The following SCML4 variants were observed in gnomAD, a reference collection of about 807,000 sequenced individuals.
SCML4 encodes Scm polycomb group protein like 4, also known as sex comb on midleg-like protein 4.
SCML4 carries 34 observed loss-of-function variants against 41.1 expected under a neutral mutation model. That is an observed-to-expected ratio of 0.83 (90% CI 0.63 to 1.10). The LOEUF is 1.10. Among genes scored for constraint, SCML4 ranks in the 50% least tolerant of loss-of-function variants. The probability of loss-of-function intolerance (pLI) is 0.00; values close to 1 mark genes in which losing one functional copy is unlikely to be tolerated. For synonymous variants in SCML4, 214 were observed against 220.9 expected, an observed-to-expected ratio of 0.97 and a Z score of 0.28; for missense variants, 522 against 534.1, an observed-to-expected ratio of 0.98 and a Z score of 0.22.
chr6:107,806,261 T>C (rs1783724163), intron 1 of SCML4, among the ~76,000 whole-genome samples: 1 of 151,360 alleles, frequency 6.6e-6, no homozygotes, highest in Non-Finnish European at 1.5e-5. Context: ...CAGCACATGC[T>C]CATCTGCTCC....
rs772795692 is a variant in SCML4, at chr6:107,746,646, G to C, written c.487+43C>G. On this transcript the variant is annotated intron_variant, in intron 4 of 7. Coordinates refer to ENST00000369020, the MANE Select transcript of SCML4 (RefSeq NM_198081.5). ...TGAGTATGGCTGCTTCCTCTGCAGA[G>C]AGACATCCATGGCCTCCTCATGCAA... 2.6e-6 allele frequency: 4 copies of C among 1,556,532 alleles called. No individual in the cohort carries two copies. In the South Asian group the frequency reaches 4.5e-5, roughly 18 times the overall value.
intron 1 of SCML4, among the ~76,000 whole-genome samples, chr6:107,786,926 T>G (rs1781940897): frequency 6.6e-6 from 1 of 152,172 alleles, no homozygotes; most frequent in South Asian, 2.1e-4. Context: ...TTCACAATGG[T>G]TTTGAGATAA....
intron 2 of SCML4, among the ~76,000 whole-genome samples, chr6:107,756,795 A>G (rs568349021): frequency 6.6e-6 from 1 of 152,324 alleles, no homozygotes; most frequent in South Asian, 2.1e-4. Flanking sequence ...AATATTAAAA[A>G]CAGGATGTGG....
chr6:107,759,129 AT>A (rs1779342333), intron 2 of SCML4, among the ~76,000 whole-genome samples: 4 of 77,718 alleles, frequency 5.1e-5, no homozygotes, highest in East Asian at 7.1e-4. Context: ...TCTACAAAAA[AT>A]ACAAAAAAAA....
chr6:107,840,406 A>G, the SCML4 span, among the ~76,000 whole-genome samples: 1 of 152,244 alleles, frequency 6.6e-6, no homozygotes, highest in East Asian at 1.9e-4. Flanking sequence ...GAGCTATCAA[A>G]CATATTAAAT....
At chr6:107,804,204 G>C (rs1413643205) in intron 1 of SCML4, among the ~76,000 whole-genome samples, 1 of 151,950 alleles carries the variant, frequency 6.6e-6, no homozygotes, top group Non-Finnish European at 1.5e-5. Context: ...GCACAGCTTT[G>C]TGAATTCTGT....
chr6:107,763,760 T>C (rs1779811891), intron 2 of SCML4, among the ~76,000 whole-genome samples: 1 of 152,218 alleles, frequency 6.6e-6, no homozygotes, highest in Non-Finnish European at 1.5e-5. Flanking sequence ...GAGGACACAG[T>C]AAGAAGGCAG....
At chr6:107,838,561 T>A in the SCML4 span, among the ~76,000 whole-genome samples, 1 of 152,188 alleles carries the variant, frequency 6.6e-6, no homozygotes, top group African/African-American at 2.4e-5. Context: ...TCAGTAGAAG[T>A]GACTCATTCT....
the SCML4 span, among the ~76,000 whole-genome samples, chr6:107,833,410 G>C: frequency 6.6e-6 from 1 of 152,152 alleles, no homozygotes; most frequent in Non-Finnish European, 1.5e-5. Context: ...GGAGGCTGCA[G>C]GCAAGCACTG....
At chr6:107,778,213 A>T (rs1781142641) in intron 1 of SCML4, among the ~76,000 whole-genome samples, 1 of 6,872 alleles carries the variant, frequency 1.5e-4, no homozygotes, top group Admixed American at 4.2e-3. Flanking sequence ...AAAAAAAAAA[A>T]AAAAAAAAAA....
intron 1 of SCML4, among the ~76,000 whole-genome samples, chr6:107,801,106 T>C (rs1783082785): frequency 6.6e-6 from 1 of 152,238 alleles, no homozygotes; most frequent in Non-Finnish European, 1.5e-5. Flanking sequence ...CCTATTCCAA[T>C]TGCCAATGTG....
At chr6:107,772,950 G>A (rs528501486) in intron 1 of SCML4, among the ~76,000 whole-genome samples, 2 of 152,130 alleles carry the variant, frequency 1.3e-5, no homozygotes, top group Non-Finnish European at 2.9e-5. Context: ...ATTTTAACAT[G>A]ATTTGTTCAT....
rs375201147 is a variant in SCML4 at position 107,747,530 on chromosome 6, A to C, written c.287-641T>G. The stretch of plus-strand genomic sequence containing the variant: ...GTTTATTTATTTATAGGTTATATAC[A>C]TTCTTAACTGTATTAATGTATTGGG... On this transcript the variant is annotated intron_variant, in intron 3 of 7. Transcript: ENST00000369020. 2.6e-5 allele frequency among the ~76,000 whole-genome samples: 4 copies of C among 151,610 alleles called. No homozygotes were observed. The East Asian group carries it at 7.7e-4, about 29-fold the overall frequency.
chr6:107,763,917 C>A (rs1205639660), intron 2 of SCML4, among the ~76,000 whole-genome samples: 1 of 152,200 alleles, frequency 6.6e-6, no homozygotes, highest in Non-Finnish European at 1.5e-5. Context: ...GCTAAGACAC[C>A]TCCCCACCTC....
chr6:107,843,576 C>T, the SCML4 span, among the ~76,000 whole-genome samples: 4 of 152,156 alleles, frequency 2.6e-5, no homozygotes, highest in Non-Finnish European at 5.9e-5. Context: ...AGTACACTTC[C>T]GTCACCCACC....
At chr6:107,748,246 A>G (rs1778310214) in intron 3 of SCML4, among the ~76,000 whole-genome samples, 2 of 152,198 alleles carry the variant, frequency 1.3e-5, no homozygotes, top group African/African-American at 4.8e-5. Flanking sequence ...CCTCTTGTGT[A>G]TCTGCCTTCT....
intron 6 of SCML4, among the ~76,000 whole-genome samples, chr6:107,714,509 T>C (rs1739861): frequency 0.75 from 114,226 of 152,086 alleles, 43,098 homozygotes; most frequent in Admixed American, 0.81. Context: ...ATCATCACAA[T>C]TGTAATGAAA....
At chr6:107,708,400 G>C (rs1773892007) in intron 6 of SCML4, among the ~76,000 whole-genome samples, 1 of 152,170 alleles carries the variant, frequency 6.6e-6, no homozygotes, top group Admixed American at 6.5e-5. Flanking sequence ...ACCAGGGCAA[G>C]TGTGCTAAGA....
intron 5 of SCML4, chr6:107,743,999 T>C (rs1357229240): frequency 2.0e-5 from 3 of 152,200 alleles, no homozygotes; most frequent in Non-Finnish European, 4.4e-5. Context: ...CCTAAGCTCA[T>C]GCATTTGACT....
Sources: gnomAD v4.1 joint callset for allele counts (sites outside exome capture counted in the v4.1 genomes callset) on GRCh38, gnomAD v4.1.1 for gene constraint, MANE v1.5 for transcripts, NCBI Gene and HGNC (gene_info 2026-07-23, HGNC 2026-07-21) for gene names.